LGSN: variants seen among roughly 807,000 people sequenced by gnomAD.
The protein encoded by LGSN is lengsin, lens protein with glutamine synthetase domain.
LGSN carries 21 observed loss-of-function variants against 19.5 expected under a neutral mutation model. The observed-to-expected ratio is 1.07, with a 90% CI of 0.76 to 1.55. The LOEUF is 1.55. Among genes scored for constraint, LGSN ranks in the 40% most tolerant of loss-of-function variants. LGSN has a pLI of 0.00. For missense variants in LGSN, 673 were observed against 608.5 expected, an observed-to-expected ratio of 1.11 and a Z score of -1.12; for synonymous variants, 257 against 215.6, an observed-to-expected ratio of 1.19 and a Z score of -1.68.
chr6:63,489,427 G>A, the LGSN span, among the ~76,000 whole-genome samples: 2 of 152,194 alleles, frequency 1.3e-5, no homozygotes, highest in African/African-American at 2.4e-5. Flanking sequence ...GGAGTGCAGT[G>A]GCACAATCTC....
At chr6:63,444,409 T>C in the LGSN span, among the ~76,000 whole-genome samples, 20 of 152,220 alleles carry the variant, frequency 1.3e-4, no homozygotes, top group Non-Finnish European at 2.5e-4. Context: ...AAATCATTGA[T>C]AGATGATTAC....
intron 1 of LGSN, 149 bp downstream of exon 1, chr6:63,319,765 G>A (rs750314177): frequency 6.0e-6 from 4 of 671,600 alleles, no homozygotes; most frequent in Non-Finnish European, 8.1e-6. Context: ...GTACAGAAGG[G>A]CAATTCTTCA....
the LGSN span, among the ~76,000 whole-genome samples, chr6:63,474,986 A>T: frequency 6.6e-6 from 1 of 152,120 alleles, no homozygotes; most frequent in African/African-American, 2.4e-5. Flanking sequence ...TTGTGGAAAT[A>T]ATAATTATTC....
rs1423939989 is a variant in LGSN at position 63,316,979 on chromosome 6, A to G, written c.30+2935T>C. Among the ~76,000 whole-genome samples, 3 of 152,228 alleles carry G rather than the reference A, an allele frequency of 2.0e-5. No homozygotes were observed. The East Asian group carries it at 5.8e-4, about 29-fold the overall frequency. Reference sequence around the variant, plus strand: ...ATATGCCTGTAACTGATTGCTAAAAATAGTTCTAGTCATTGTGCCTTAGGA... The same window carrying G: ...ATATGCCTGTAACTGATTGCTAAAAGTAGTTCTAGTCATTGTGCCTTAGGA... On this transcript the variant is annotated intron_variant, in intron 1 of 3. Transcript: ENST00000370657.
chr6:63,279,821 G>T lies in LGSN; in HGVS notation c.*200C>A, dbSNP rs560145317. 1.5e-4 allele frequency: 72 copies of T among 495,508 alleles called. 1 individual carries two copies. In the South Asian group the frequency reaches 1.9e-3, roughly 13 times the overall value. The allele number at this position is 495,508 out of a possible 1,614,324, so 30.7% of individuals were successfully genotyped here. A position where few individuals can be genotyped will look rare whatever the true frequency, so the allele number is the denominator to read the frequency against. On this transcript the variant is annotated 3_prime_UTR_variant, in exon 4 of 4. Coordinates refer to ENST00000370657, the MANE Select transcript of LGSN (RefSeq NM_016571.3). ...CATATTATAGCTTCACCACAACTTTGTTGTTTGTTTCTGTTATCAGAATCT... is the reference window on the plus strand; with the variant it reads ...CATATTATAGCTTCACCACAACTTTTTTGTTTGTTTCTGTTATCAGAATCT...
At chr6:63,572,387 T>G in the LGSN span, 1 of 317,528 alleles carries the variant, frequency 3.1e-6, no homozygotes. Flanking sequence ...CCCCCGCCTG[T>G]CGGCTCCTGG....
the LGSN span, among the ~76,000 whole-genome samples, chr6:63,421,582 G>C: frequency 6.6e-6 from 1 of 151,976 alleles, no homozygotes; most frequent in Non-Finnish European, 1.5e-5. Flanking sequence ...ACAAAAATTA[G>C]CTGGGTGTGG....
At chr6:63,303,460 G>C (rs192155486) in intron 1 of LGSN, among the ~76,000 whole-genome samples, 7 of 152,290 alleles carry the variant, frequency 4.6e-5, no homozygotes, top group Non-Finnish European at 7.4e-5. Context: ...AATAGCATTA[G>C]GCAAGTCTAA....
chr6:63,444,049 C>T, the LGSN span, among the ~76,000 whole-genome samples: 2 of 152,088 alleles, frequency 1.3e-5, no homozygotes, highest in African/African-American at 4.8e-5. Flanking sequence ...TTAACCAACT[C>T]ATAATAGGAG....
the LGSN span, among the ~76,000 whole-genome samples, chr6:63,399,169 G>A: frequency 6.6e-5 from 10 of 152,000 alleles, no homozygotes; most frequent in Non-Finnish European, 1.5e-4. Flanking sequence ...TGGATGCACA[G>A]ATACTTATCA....
chr6:63,457,848 G>A, the LGSN span, among the ~76,000 whole-genome samples: 1 of 151,864 alleles, frequency 6.6e-6, no homozygotes, highest in Admixed American at 6.6e-5. Flanking sequence ...CACTGCACTC[G>A]AGCCTGGGCT....
chr6:63,569,177 GTTC>G, the LGSN span, among the ~76,000 whole-genome samples: 6 of 152,258 alleles, frequency 3.9e-5, no homozygotes, highest in African/African-American at 1.2e-4. Context: ...AGATTTCTCT[GTTC>G]TTCTTCATCA....
At chr6:63,316,043 G>T (rs988031841) in intron 1 of LGSN, among the ~76,000 whole-genome samples, 2 of 152,098 alleles carry the variant, frequency 1.3e-5, no homozygotes, top group African/African-American at 4.8e-5. Flanking sequence ...TTGTCAAAGT[G>T]TTGAGTTTCT....
the LGSN span, among the ~76,000 whole-genome samples, chr6:63,512,101 G>A: frequency 4.2e-5 from 6 of 142,964 alleles, no homozygotes; most frequent in Admixed American, 2.8e-4. Context: ...TTTTCTTTTT[G>A]AGACAAAGTC....
the LGSN span, among the ~76,000 whole-genome samples, chr6:63,380,648 A>G: frequency 6.6e-6 from 1 of 152,140 alleles, no homozygotes; most frequent in South Asian, 2.1e-4. Context: ...ACAGGATAAA[A>G]TTTGTTCATT....
chr6:63,488,954 TG>T, the LGSN span, among the ~76,000 whole-genome samples: 1 of 152,216 alleles, frequency 6.6e-6, no homozygotes, highest in Non-Finnish European at 1.5e-5. Flanking sequence ...AGAATCTTTC[TG>T]GAAAGTCACT....
the LGSN span, among the ~76,000 whole-genome samples, chr6:63,410,042 A>C: frequency 2.6e-5 from 4 of 152,166 alleles, no homozygotes; most frequent in Non-Finnish European, 5.9e-5. Flanking sequence ...ATCTCAAAAA[A>C]ATTAAAATAA....
chr6:63,492,614 C>T, the LGSN span, among the ~76,000 whole-genome samples: 53 of 152,314 alleles, frequency 3.5e-4, no homozygotes, highest in Middle Eastern at 0.01. Context: ...GGTGTGCACA[C>T]GGCCCTGCTG....
the LGSN span, among the ~76,000 whole-genome samples, chr6:63,399,747 G>A: frequency 6.6e-6 from 1 of 152,052 alleles, no homozygotes; most frequent in Non-Finnish European, 1.5e-5. Flanking sequence ...CCAGGCTGGA[G>A]TACAGTGGCA....
Sources: allele counts gnomAD v4.1 joint callset (sites outside exome capture counted in the v4.1 genomes callset), GRCh38; gene constraint gnomAD v4.1.1; transcripts MANE v1.5; gene names NCBI Gene and HGNC (gene_info 2026-07-23, HGNC 2026-07-21).